The following FRMD4B variants were observed in gnomAD, a reference collection of about 807,000 sequenced individuals.
FRMD4B encodes the protein FERM domain containing 4B, also known as FERM domain-containing protein 4B.
A neutral mutation model predicts 141.5 loss-of-function variants in FRMD4B; 74 were observed. The ratio of observed to expected loss-of-function variants is 0.52; its 90% CI spans 0.43 to 0.63. The LOEUF (loss-of-function observed/expected upper bound fraction) is 0.63, where lower values mean the gene tolerates loss of function less well. FRMD4B is among the 30% of genes least tolerant of loss of function. FRMD4B has a pLI of 0.00. For missense variants in FRMD4B, 1,366 were observed against 1,253.4 expected (o/e 1.09, Z -1.36); for synonymous variants, 506 against 467.9 (o/e 1.08, Z -1.05).
chr3:69,383,457 C>A (rs1188155641), intron 1 of FRMD4B, among the ~76,000 whole-genome samples: 2 of 152,162 alleles, frequency 1.3e-5, no homozygotes, highest in Admixed American at 1.3e-4. Flanking sequence ...TATTTATTTT[C>A]ATTGATACAT....
intron 5 of FRMD4B, among the ~76,000 whole-genome samples, chr3:69,284,760 AACAG>A (rs1413936898): frequency 1.3e-5 from 2 of 152,236 alleles, no homozygotes; most frequent in Non-Finnish European, 2.9e-5. Context: ...CATTAGGATA[AACAG>A]ACAAAGGCAT....
At chr3:69,433,392 C>T (rs1705210247) in intron 1 of FRMD4B, among the ~76,000 whole-genome samples, 1 of 152,206 alleles carries the variant, frequency 6.6e-6, no homozygotes, top group Non-Finnish European at 1.5e-5. Flanking sequence ...TGTGAGGTCA[C>T]ACTGTTTCAC....
chr3:69,305,842 T>C (rs1701375953), intron 3 of FRMD4B, among the ~76,000 whole-genome samples: 1 of 152,248 alleles, frequency 6.6e-6, no homozygotes, highest in South Asian at 2.1e-4. Context: ...TACAATAGCA[T>C]ATACAGCATA....
intron 12 of FRMD4B, among the ~76,000 whole-genome samples, chr3:69,197,540 T>C (rs1461766231): frequency 7.3e-6 from 1 of 137,524 alleles, no homozygotes; most frequent in Admixed American, 8.0e-5. Context: ...AGAGTGCTGC[T>C]TGTACACCAG....
chr3:69,262,804 C>G (rs1318878982), intron 5 of FRMD4B, among the ~76,000 whole-genome samples: 1 of 151,904 alleles, frequency 6.6e-6, no homozygotes, highest in Non-Finnish European at 1.5e-5. Context: ...TACTACTATT[C>G]AGCAGTGAAA....
In FRMD4B at chr3:69,253,745, C is replaced by T. The variant is rs181039288; in HGVS notation, c.502-3646G>A. On this transcript the variant is annotated intron_variant, in intron 5 of 22. Transcript: ENST00000398540. ...TGAAAAAGAAAGAAAATTACCCTTG[C>T]ACCTCTCTAGTACTAATTGATTCAG... is the stretch of plus-strand genomic sequence containing the variant. Among the ~76,000 whole-genome samples, 296 of 152,254 alleles carry T rather than the reference C, an allele frequency of 1.9e-3. 1 individual carries two copies. Among genetic ancestry groups the T allele is most frequent in the Middle Eastern group, 6.8e-3 (2 of 294 alleles).
At chr3:69,520,024 A>G (rs1304451676) in intron 1 of FRMD4B, among the ~76,000 whole-genome samples, 1 of 111,836 alleles carries the variant, frequency 8.9e-6, no homozygotes, top group Non-Finnish European at 1.7e-5. Flanking sequence ...ATATATATAT[A>G]TTCCATCATA....
intron 11 of FRMD4B, among the ~76,000 whole-genome samples, chr3:69,215,398 T>G (rs2093131088): frequency 6.8e-6 from 1 of 146,586 alleles, no homozygotes; most frequent in Non-Finnish European, 1.5e-5. Flanking sequence ...ATTCAAGCAA[T>G]GCTCGTGCCT....
At chr3:69,424,353 GT>G (rs1473041640) in intron 2 of FRMD4B, among the ~76,000 whole-genome samples, 2 of 152,192 alleles carry the variant, frequency 1.3e-5, no homozygotes, top group East Asian at 3.9e-4. Flanking sequence ...GAGTGCAGTG[GT>G]GTGATCATGG....
Position 69,351,082 on chromosome 3 carries a change from A to G in FRMD4B, c.162+34746T>C, listed in dbSNP as rs565241884. On this transcript the variant is annotated intron_variant, in intron 1 of 22. Transcript: ENST00000398540. Reference sequence around the variant, plus strand: ...ATCTACAAAAGCTTCCTTTAAGGAAAAAAAAAGCAACTGAAGTATACAGCA... The same window carrying G: ...ATCTACAAAAGCTTCCTTTAAGGAAGAAAAAAGCAACTGAAGTATACAGCA... Among the ~76,000 whole-genome samples, 109 of 152,318 alleles carry G rather than the reference A, an allele frequency of 7.2e-4. 2 individuals carry two copies. The highest frequency in any genetic ancestry group is 6.8e-3 in the Middle Eastern group (2 of 294).
intron 1 of FRMD4B, among the ~76,000 whole-genome samples, chr3:69,529,261 G>C (rs973793594): frequency 6.6e-6 from 1 of 152,180 alleles, no homozygotes; most frequent in Non-Finnish European, 1.5e-5. Context: ...AGATTGTTTT[G>C]TGGAATTTCC....
intron 9 of FRMD4B, 46 bp downstream of exon 9, chr3:69,221,812 A>G: frequency 1.1e-6 from 1 of 912,742 alleles, no homozygotes. Context: ...ATACCTTCAG[A>G]TGAGAGATAT....
rs571093465 is a variant in FRMD4B, at chr3:69,513,232, T to C, written c.-129+28974A>G. Among the ~76,000 whole-genome samples the C allele has an allele frequency of 9.9e-4, 151 of 152,058 alleles. 1 individual carries two copies. The highest frequency in any genetic ancestry group is 2.0e-3 in the Admixed American group (30 of 15,288). ...GAAAGGAAAGAGATGTTAGAAGCAATGTTGTAGAAATAAAAGGGATTATAA... is the reference window on the plus strand; with the variant it reads ...GAAAGGAAAGAGATGTTAGAAGCAACGTTGTAGAAATAAAAGGGATTATAA... On this transcript the variant is annotated intron_variant, in intron 1 of 5. Coordinates refer to the FRMD4B transcript ENST00000459638.
chr3:69,380,330 A>G (rs1444354641), intron 1 of FRMD4B, among the ~76,000 whole-genome samples: 1 of 152,184 alleles, frequency 6.6e-6, no homozygotes, highest in Non-Finnish European at 1.5e-5. Flanking sequence ...ATGGGAATGT[A>G]GTCTCACCAA....
At chr3:69,200,502 T>C in intron 11 of FRMD4B, 1 of 986,332 alleles carries the variant, frequency 1.0e-6, no homozygotes, top group South Asian at 4.5e-5. Context: ...GCAGCTCCGG[T>C]GAGTTCTGAA....
intron 2 of FRMD4B, among the ~76,000 whole-genome samples, chr3:69,401,646 C>A (rs983250084): frequency 6.6e-6 from 1 of 152,100 alleles, no homozygotes; most frequent in African/African-American, 2.4e-5. Context: ...ACGTCCTGGG[C>A]TCAAGTGATT....
chr3:69,343,382 C>T (rs982741367), intron 1 of FRMD4B, among the ~76,000 whole-genome samples: 9 of 152,068 alleles, frequency 5.9e-5, no homozygotes, highest in African/African-American at 1.7e-4. Flanking sequence ...TCTCTTTGTC[C>T]GTTAGGTGTG....
chr3:69,284,307 A>G (rs992280830), intron 5 of FRMD4B, among the ~76,000 whole-genome samples: 9 of 152,218 alleles, frequency 5.9e-5, no homozygotes, highest in African/African-American at 1.9e-4. Context: ...TCATCATTCC[A>G]TGCATGAAAA....
upstream of FRMD4B, among the ~76,000 whole-genome samples, chr3:69,388,190 GAC>G (rs1274156459): frequency 6.6e-6 from 1 of 152,156 alleles, no homozygotes; most frequent in South Asian, 2.1e-4. Context: ...TCTGTCTCAT[GAC>G]ACCATCCTCT....
Sources: allele counts gnomAD v4.1 joint callset (sites outside exome capture counted in the v4.1 genomes callset), GRCh38; gene constraint gnomAD v4.1.1; transcripts MANE v1.5; gene names NCBI Gene and HGNC (gene_info 2026-07-23, HGNC 2026-07-21).